PRODH2: variants seen among roughly 807,000 people sequenced by gnomAD.
The protein encoded by PRODH2 is hydroxyproline dehydrogenase.
A neutral mutation model predicts 51.9 loss-of-function variants in PRODH2; 49 were observed. The ratio of observed to expected loss-of-function variants is 0.94; its 90% CI spans 0.75 to 1.20. The LOEUF (loss-of-function observed/expected upper bound fraction) is 1.20. Among genes scored for constraint, PRODH2 ranks in the 50% most tolerant of loss-of-function variants. The pLI, the probability that PRODH2 is intolerant of heterozygous loss-of-function variation, is 0.00. For synonymous variants in PRODH2, 249 were observed against 260.7 expected, an observed-to-expected ratio of 0.96 and a Z score of 0.43; for missense variants, 597 against 610.9, an observed-to-expected ratio of 0.98 and a Z score of 0.24.
chr19:35,804,989 G>A (rs1972488944), intron 7 of PRODH2, among the ~76,000 whole-genome samples: 1 of 152,062 alleles, frequency 6.6e-6, no homozygotes, highest in South Asian at 2.1e-4. Flanking sequence ...GGCACATATT[G>A]TATGATTCCA....
At chr19:35,810,304 AACAAATAAAAATT>A (rs1312842368) in intron 4 of PRODH2, among the ~76,000 whole-genome samples, 1 of 147,912 alleles carries the variant, frequency 6.8e-6, no homozygotes, top group Non-Finnish European at 1.5e-5. Flanking sequence ...TAAATAGATA[AACAAATAAAAATT>A]ACAAATAAAA....
intron 7 of PRODH2, among the ~76,000 whole-genome samples, chr19:35,805,487 A>T (rs182581141): frequency 1.8e-3 from 279 of 152,158 alleles, no homozygotes; most frequent in African/African-American, 6.4e-3. Flanking sequence ...GGCTGGTCTC[A>T]AACTCCTGAC....
intron 4 of PRODH2, among the ~76,000 whole-genome samples, chr19:35,808,146 C>T (rs568475722): frequency 2.6e-5 from 4 of 152,278 alleles, no homozygotes; most frequent in South Asian, 2.1e-4. Context: ...CCCCTAGCAC[C>T]GTGTCTGGAA....
At chr19:35,810,816 C>A (rs746905026) in intron 4 of PRODH2, among the ~76,000 whole-genome samples, 2 of 152,118 alleles carry the variant, frequency 1.3e-5, no homozygotes, top group South Asian at 4.1e-4. Context: ...CCACTGCCCC[C>A]GGCCATGTTC....
In PRODH2 at chr19:35,812,128, C is replaced by A. The variant is rs777282041; in HGVS notation, c.510+6G>T. On this transcript the variant is annotated splice_donor_region_variant and intron_variant, in intron 3 of 9. Transcript: ENST00000653904. ...CTCCCCGCACCCCCGTCTTTGCACT[C>A]CTTACACAGAGCCGAGTACTGGTCA... 1 of 1,613,952 alleles carries A rather than the reference C, an allele frequency of 6.2e-7. No individual in the cohort carries two copies.
rs1183679496 is a variant in PRODH2, at chr19:35,812,476, C to T, written c.255G>A (p.Val85=). 3 of 1,614,122 alleles carry T rather than the reference C, an allele frequency of 1.9e-6. No homozygotes were observed. The highest frequency in any genetic ancestry group is 2.5e-6 in the Non-Finnish European group (3 of 1,180,048). ...TCACCTCCTCTGCTGTCTCACCAGC[C>T]ACAAACTGCCCATAGACGGATGCTC... ...FLRASVYGQF[V]AGETAEEVKG... is the part of the protein sequence containing the mutation. The change falls in exon 2 of 10, where the codon GTG becomes GTA. Residue 85 remains valine, a synonymous_variant. Coordinates refer to ENST00000653904, the MANE Select transcript of PRODH2 (RefSeq NM_021232.2).
intron 2 of PRODH2, 24 bp from the exon 3 acceptor site, chr19:35,812,296 GC>G: frequency 6.2e-7 from 1 of 1,612,372 alleles, no homozygotes; most frequent in Non-Finnish European, 8.5e-7. Flanking sequence ...AGGTGTCAGG[GC>G]CCGAACAGCA....
chr19:35,809,068 A>G (rs1389776038), intron 4 of PRODH2, among the ~76,000 whole-genome samples: 2 of 151,230 alleles, frequency 1.3e-5, no homozygotes, highest in Admixed American at 1.3e-4. Flanking sequence ...GGTGTGAGCT[A>G]CAGCACCTGG....
At chr19:35,803,145 T>G in intron 7 of PRODH2, 67 bp from the exon 8 acceptor site, 1 of 1,191,220 alleles carries the variant, frequency 8.4e-7, no homozygotes, top group Non-Finnish European at 1.2e-6. Context: ...CTGGGGTGGG[T>G]GGGGTGCTCC....
At position 35,812,243 on chromosome 19, in the gene PRODH2, G is replaced by A. The variant is rs35841154; in HGVS notation, c.401C>T (p.Ala134Val). 6.2e-7 allele frequency: 1 copy of A among 1,613,698 alleles called. No homozygotes were observed. The highest frequency in any genetic ancestry group is 1.7e-5 in the Admixed American group (1 of 60,028). ...GEAWYEGNLG[A>V]MLRCVDLSRG... The stretch of plus-strand genomic sequence containing the variant: ...TGACAGGTCCACACACCGCAGCATA[G>A]CACCGAGGTTCCCCTCATACCACGC... Residue 134 changes from alanine (A) to valine (V), a missense_variant, in exon 3 of 10, where the codon GCT (alanine) becomes GTT (valine). Coordinates refer to ENST00000653904, the MANE Select transcript of PRODH2 (RefSeq NM_021232.2).
chr19:35,803,600 T>A (rs755558068), intron 7 of PRODH2, among the ~76,000 whole-genome samples: 1 of 152,142 alleles, frequency 6.6e-6, no homozygotes, highest in Non-Finnish European at 1.5e-5. Flanking sequence ...AACACTGTTG[T>A]GAGGATGGAG....
In PRODH2 at chr19:35,806,704, C is replaced by A. The variant is rs1190516914; in HGVS notation, c.805G>T (p.Val269Leu). Residue 269 changes from valine to leucine, a missense_variant, in exon 6 of 10, where the codon GTG becomes TTG. By Grantham distance (32) the Val-to-Leu change is conservative (BLOSUM62 1). Transcript: ENST00000653904. ...AGACAGGCCTGGTAGGTGTTCCACA[C>A]CCAGGGCCCGCCTTCACCCGGGCTG... ...WNSPGEGGPW[V>L]WNTYQACLKD... is the part of the protein sequence containing the mutation. 1.2e-6 allele frequency: 2 copies of A among 1,614,050 alleles called. No homozygotes were observed. The highest frequency in any genetic ancestry group is 1.7e-5 in the Admixed American group (1 of 60,000).
At chr19:35,809,081 CTTTTTTCTTTCTTTCT>C (rs1972560775) in intron 4 of PRODH2, among the ~76,000 whole-genome samples, 1 of 151,192 alleles carries the variant, frequency 6.6e-6, no homozygotes, top group Non-Finnish European at 1.5e-5. Flanking sequence ...GCACCTGGCC[CTTTTTTCTTTCTTTCT>C]TTATTTCTTT....
intron 4 of PRODH2, among the ~76,000 whole-genome samples, chr19:35,810,360 C>T (rs1377698405): frequency 1.3e-5 from 2 of 151,620 alleles, no homozygotes; most frequent in African/African-American, 2.4e-5. Context: ...AGCATGTCCA[C>T]TATAGCATTG....
chr19:35,810,386 A>C (rs1441919346), intron 4 of PRODH2, among the ~76,000 whole-genome samples: 1 of 152,028 alleles, frequency 6.6e-6, no homozygotes, highest in East Asian at 1.9e-4. Flanking sequence ...GAGGGTGGAG[A>C]CACAGAGGCC....
Position 35,811,962 on chromosome 19 carries a change from C to T in PRODH2, c.597G>A (p.Gln199=). 1 of 1,613,900 alleles carries T rather than the reference C, an allele frequency of 6.2e-7. No individual in the cohort carries two copies. Among genetic ancestry groups the T allele is most frequent in the Non-Finnish European group, 8.5e-7 (1 of 1,179,802 alleles). Residue 199 remains glutamine (Q), a splice_region_variant and synonymous_variant, in exon 4 of 10, where the codon CAG becomes CAA. Transcript: ENST00000653904. ...ERLAEAMDSG[Q]NLQVSCLNAE... ...CGACAGTCCCGCTTGAGATCCTTAC[C>T]TGCCCAGAGTCCATAGCTTCAGCCA...
chr19:35,811,926 C>T (rs1257884027), intron 4 of PRODH2, 36 bp downstream of exon 4: 19 of 1,597,536 alleles, frequency 1.2e-5, no homozygotes, highest in Non-Finnish European at 1.5e-5. Context: ...AAGTCCAAGG[C>T]ACTCTGTCCC....
intron 6 of PRODH2, 25 bp downstream of exon 6, chr19:35,806,650 G>A (rs1165514272): frequency 6.2e-7 from 1 of 1,613,960 alleles, no homozygotes; most frequent in Non-Finnish European, 8.5e-7. Context: ...ACCCCAGCCT[G>A]TACCTCCTGG....
chr19:35,811,205 C>T (rs545401135), intron 4 of PRODH2, among the ~76,000 whole-genome samples: 4 of 151,748 alleles, frequency 2.6e-5, no homozygotes, highest in East Asian at 1.9e-4. Flanking sequence ...ATGCCCCCCA[C>T]GAATGGTATA....
Sources: gnomAD v4.1 joint callset for allele counts (sites outside exome capture counted in the v4.1 genomes callset) on GRCh38, gnomAD v4.1.1 for gene constraint, MANE v1.5 for transcripts, NCBI Gene and HGNC (gene_info 2026-07-23, HGNC 2026-07-21) for gene names.